Variants in ZFAND3 observed in about 807,000 individuals in gnomAD.
ZFAND3 encodes AN1-type zinc finger protein 3.
In ZFAND3, 10 loss-of-function variants were observed where a neutral mutation model predicts 29.6. The ratio of observed to expected loss-of-function variants is 0.34; its 90% CI spans 0.21 to 0.57. ZFAND3 has a LOEUF of 0.57. Among genes scored for constraint, ZFAND3 ranks in the 20% least tolerant of loss-of-function variants. ZFAND3 has a pLI of 0.86. For missense variants in ZFAND3, 230 were observed against 304.5 expected (o/e 0.76, Z 1.82); for synonymous variants, 128 against 112.6 (o/e 1.14, Z -0.87).
chr6:37,821,817 A>G (rs1363621743), intron 1 of ZFAND3, among the ~76,000 whole-genome samples: 1 of 152,156 alleles, frequency 6.6e-6, no homozygotes, highest in Admixed American at 6.5e-5. Flanking sequence ...AAGGAAATGG[A>G]ATAGCCTTTT....
At chr6:37,956,600 G>A (rs1762089506) in intron 2 of ZFAND3, among the ~76,000 whole-genome samples, 1 of 152,182 alleles carries the variant, frequency 6.6e-6, no homozygotes, top group African/African-American at 2.4e-5. Context: ...ATGATTATTG[G>A]ATTTAATGAA....
chr6:37,896,752 C>G (rs1390780651), intron 1 of ZFAND3, among the ~76,000 whole-genome samples: 1 of 151,560 alleles, frequency 6.6e-6, no homozygotes, highest in Non-Finnish European at 1.5e-5. Context: ...TTATGCTGGT[C>G]TCATCAGGTG....
rs117806203 is a variant in ZFAND3 at position 37,977,264 on chromosome 6, A to G, written c.112+47265A>G. On this transcript the variant is annotated intron_variant, in intron 2 of 5. Coordinates refer to ENST00000287218, the MANE Select transcript of ZFAND3 (RefSeq NM_021943.3). ...CGTATAACTGTATTTCTTTTCTCAC[A>G]TGATTGTACTGGTTAGACTCTTCAG... 0.015 allele frequency among the ~76,000 whole-genome samples: 2,215 copies of G among 152,256 alleles called. 250 individuals carry two copies. The East Asian group carries it at 0.28, about 19-fold the overall frequency.
At chr6:38,116,419 G>A (rs191658289) in intron 4 of ZFAND3, among the ~76,000 whole-genome samples, 153 bp from the exon 5 acceptor site, 9 of 152,320 alleles carry the variant, frequency 5.9e-5, no homozygotes, top group Non-Finnish European at 1.3e-4. Context: ...AGTTTGTGCA[G>A]TATAAACCAA....
At chr6:38,098,251 A>G (rs141927472) in intron 4 of ZFAND3, among the ~76,000 whole-genome samples, 3,141 of 152,190 alleles carry the variant, frequency 0.021, 97 homozygotes, top group African/African-American at 0.072. Context: ...GGTTCAAGCA[A>G]TTCTTCTGCC....
chr6:37,840,669 A>G (rs1055031136), intron 1 of ZFAND3, among the ~76,000 whole-genome samples: 4 of 152,220 alleles, frequency 2.6e-5, no homozygotes, highest in Non-Finnish European at 5.9e-5. Flanking sequence ...AATTTGGGGA[A>G]TGTCTCCATA....
chr6:38,015,713 T>C (rs1763242012), intron 2 of ZFAND3, among the ~76,000 whole-genome samples: 2 of 152,226 alleles, frequency 1.3e-5, no homozygotes, highest in African/African-American at 4.8e-5. Context: ...TTGCAAAATC[T>C]TGTGTTTGTG....
At chr6:37,823,869 G>A (rs1375082731) in intron 1 of ZFAND3, among the ~76,000 whole-genome samples, 6 of 151,756 alleles carry the variant, frequency 4.0e-5, no homozygotes, top group African/African-American at 1.5e-4. Flanking sequence ...TTGGCTCACC[G>A]CAACCTCTGC....
At chr6:38,080,179 A>G (rs150745695) in intron 3 of ZFAND3, among the ~76,000 whole-genome samples, 1 of 151,966 alleles carries the variant, frequency 6.6e-6, no homozygotes, top group Non-Finnish European at 1.5e-5. Flanking sequence ...TAGGGGAGGG[A>G]TAGCATTAGG....
chr6:37,921,372 G>GT (rs910689392), intron 1 of ZFAND3, among the ~76,000 whole-genome samples: 34 of 148,888 alleles, frequency 2.3e-4, no homozygotes, highest in Admixed American at 1.1e-3. Context: ...TGCTGGTACT[G>GT]TTTTTTTTTA....
rs376188987 is a variant in ZFAND3, at chr6:37,956,499, G to A, written c.112+26500G>A. ...TCAGTCAGAGTTAGATGACACTAGT[G>A]ACATAGATTATAGAAAGGGGATATT... On this transcript the variant is annotated intron_variant, in intron 2 of 5. Coordinates refer to ENST00000287218, the MANE Select transcript of ZFAND3 (RefSeq NM_021943.3). Among the ~76,000 whole-genome samples the A allele has an allele frequency of 3.3e-5, 5 of 152,172 alleles. No individual in the cohort carries two copies. The East Asian group carries it at 9.6e-4, about 29-fold the overall frequency.
At chr6:37,915,801 C>A (rs1184801595) in intron 1 of ZFAND3, 5 of 152,182 alleles carry the variant, frequency 3.3e-5, no homozygotes, top group Non-Finnish European at 7.3e-5. Context: ...CGGAGCTTCA[C>A]TCTTGTTGCC....
intron 5 of ZFAND3, among the ~76,000 whole-genome samples, chr6:38,123,922 C>G (rs1436915743): frequency 6.6e-6 from 1 of 152,088 alleles, no homozygotes; most frequent in Non-Finnish European, 1.5e-5. Context: ...AGCGAAAGAA[C>G]AAAGCTTCCA....
intron 1 of ZFAND3, among the ~76,000 whole-genome samples, chr6:37,859,710 A>G (rs1764445322): frequency 6.6e-6 from 1 of 152,080 alleles, no homozygotes; most frequent in South Asian, 2.1e-4. Context: ...CTGGCCTTGT[A>G]CCTCAATCAG....
intron 2 of ZFAND3, among the ~76,000 whole-genome samples, chr6:38,045,260 G>GT (rs1353652208): frequency 1.3e-5 from 2 of 151,684 alleles, no homozygotes; most frequent in Non-Finnish European, 2.9e-5. Flanking sequence ...GCTAATTTTT[G>GT]TATTTTTAGT....
intron 2 of ZFAND3, among the ~76,000 whole-genome samples, chr6:38,013,144 C>T (rs1394628071): frequency 6.6e-6 from 1 of 152,168 alleles, no homozygotes; most frequent in African/African-American, 2.4e-5. Flanking sequence ...TTCCTAATTC[C>T]TAATACACGA....
intron 1 of ZFAND3, among the ~76,000 whole-genome samples, chr6:37,882,583 A>C (rs1003197493): frequency 2.0e-5 from 3 of 152,068 alleles, no homozygotes; most frequent in South Asian, 2.1e-4. Flanking sequence ...GGAAATGCCA[A>C]CCTCACTGGT....
At chr6:37,991,435 T>G (rs1762757130) in intron 2 of ZFAND3, among the ~76,000 whole-genome samples, 2 of 152,062 alleles carry the variant, frequency 1.3e-5, no homozygotes, top group South Asian at 4.2e-4. Context: ...TCACTGCAAC[T>G]TTTGCCCCCC....
chr6:37,866,860 G>A (rs1404314332), intron 1 of ZFAND3, among the ~76,000 whole-genome samples: 1 of 152,182 alleles, frequency 6.6e-6, no homozygotes, highest in East Asian at 1.9e-4. Context: ...ACTTCACGAA[G>A]CCTTTTAGGA....
Sources: gnomAD v4.1 joint callset for allele counts (sites outside exome capture counted in the v4.1 genomes callset) on GRCh38, gnomAD v4.1.1 for gene constraint, MANE v1.5 for transcripts, NCBI Gene and HGNC (gene_info 2026-07-23, HGNC 2026-07-21) for gene names.